Variants in ROBO2 observed in about 807,000 individuals in gnomAD.
ROBO2 encodes roundabout homolog 2.
In ROBO2, 53 loss-of-function variants were observed where a neutral mutation model predicts 160.8. That is an observed-to-expected ratio of 0.33 (90% CI 0.26 to 0.41). The LOEUF is 0.41. Among genes scored for constraint, ROBO2 ranks in the 10% least tolerant of loss-of-function variants. The pLI, the probability that ROBO2 is intolerant of heterozygous loss-of-function variation, is 1.00. For synonymous variants in ROBO2, 664 were observed against 611.7 expected (o/e 1.09, Z -1.26); for missense variants, 1,577 against 1,722.4 (o/e 0.92, Z 1.49).
chr3:77,602,819 A>G (rs1459993320), intron 20 of ROBO2: 1 of 474,982 alleles, frequency 2.1e-6, no homozygotes, highest in Admixed American at 2.4e-5. Flanking sequence ...TAGACAAAAC[A>G]TTCCTCCACT....
intron 2 of ROBO2, among the ~76,000 whole-genome samples, chr3:76,405,079 A>G (rs2078052382): frequency 6.6e-6 from 1 of 151,540 alleles, no homozygotes; most frequent in South Asian, 2.1e-4. Context: ...ATGAGTGGTA[A>G]AAAGGATGAA....
chr3:77,280,179 T>C (rs930142743), intron 2 of ROBO2, among the ~76,000 whole-genome samples: 8 of 152,140 alleles, frequency 5.3e-5, no homozygotes, highest in Non-Finnish European at 1.2e-4. Context: ...TTCTTATGCT[T>C]TCTATAAATG....
chr3:77,056,076 A>G (rs192902855), intron 1 of ROBO2, among the ~76,000 whole-genome samples: 5 of 152,336 alleles, frequency 3.3e-5, no homozygotes, highest in Non-Finnish European at 7.3e-5. Flanking sequence ...ACATTAGATC[A>G]TAGGAAGGCC....
chr3:76,438,644 T>G (rs1455769677), intron 2 of ROBO2, among the ~76,000 whole-genome samples: 1 of 152,070 alleles, frequency 6.6e-6, no homozygotes, highest in Non-Finnish European at 1.5e-5. Flanking sequence ...CACAGGCTAA[T>G]TTATACAAGT....
At chr3:76,549,826 T>A (rs12486106) in intron 2 of ROBO2, among the ~76,000 whole-genome samples, 27 of 152,346 alleles carry the variant, frequency 1.8e-4, no homozygotes, top group Non-Finnish European at 2.2e-4. Flanking sequence ...TGTCTGTTTA[T>A]CTGGAAGCTT....
chr3:76,099,169 G>A (rs1559551594), intron 2 of ROBO2, among the ~76,000 whole-genome samples: 1 of 151,994 alleles, frequency 6.6e-6, no homozygotes, highest in Admixed American at 6.6e-5. Flanking sequence ...GCAATTCCTT[G>A]GCAGCCAAGA....
intron 2 of ROBO2, among the ~76,000 whole-genome samples, chr3:76,284,140 C>T (rs2107679371): frequency 1.3e-5 from 2 of 152,044 alleles, no homozygotes; most frequent in South Asian, 4.1e-4. Flanking sequence ...GTATAGGTCT[C>T]TTTGGGTATT....
intron 2 of ROBO2, among the ~76,000 whole-genome samples, chr3:76,672,510 G>A (rs1016767269): frequency 9.2e-5 from 14 of 152,084 alleles, no homozygotes; most frequent in African/African-American, 3.4e-4. Context: ...AATATGAGAA[G>A]CCCTATAATG....
intron 2 of ROBO2, among the ~76,000 whole-genome samples, chr3:76,879,693 T>C (rs1246526667): frequency 2.0e-5 from 3 of 152,082 alleles, no homozygotes; most frequent in Non-Finnish European, 4.4e-5. Flanking sequence ...ATTAAACTGA[T>C]GATCATATGA....
At chr3:77,105,523 CT>C (rs1396904739) in intron 2 of ROBO2, among the ~76,000 whole-genome samples, 1 of 152,092 alleles carries the variant, frequency 6.6e-6, no homozygotes, top group East Asian at 1.9e-4. Flanking sequence ...GTGAGTGTGC[CT>C]TTTAATTTTG....
intron 2 of ROBO2, among the ~76,000 whole-genome samples, chr3:76,928,983 G>T (rs928743899): frequency 6.6e-6 from 1 of 152,114 alleles, no homozygotes. Context: ...ACCTGGGCCG[G>T]GTGTGGTGGC....
At chr3:75,961,962 C>T (rs1472479859) in intron 2 of ROBO2, among the ~76,000 whole-genome samples, 1 of 150,996 alleles carries the variant, frequency 6.6e-6, no homozygotes, top group Non-Finnish European at 1.5e-5. Context: ...GATGCTCTTG[C>T]TCTGACTTAT....
chr3:77,439,709 A>C (rs1287460961), intron 2 of ROBO2, among the ~76,000 whole-genome samples: 1 of 152,114 alleles, frequency 6.6e-6, no homozygotes, highest in African/African-American at 2.4e-5. Flanking sequence ...ATCAACTTTG[A>C]CAGTCCCATG....
intron 2 of ROBO2, among the ~76,000 whole-genome samples, chr3:76,554,421 T>C (rs1195465335): frequency 6.6e-6 from 1 of 152,242 alleles, no homozygotes; most frequent in African/African-American, 2.4e-5. Context: ...CATGAATGTA[T>C]GTTATGTTTG....
intron 2 of ROBO2, among the ~76,000 whole-genome samples, chr3:76,669,586 G>T (rs2110154799): frequency 6.6e-6 from 1 of 152,210 alleles, no homozygotes; most frequent in South Asian, 2.1e-4. Flanking sequence ...CTTTATAAGA[G>T]AAGCAATAAA....
At chr3:76,895,836 G>C (rs1443918546) in intron 2 of ROBO2, among the ~76,000 whole-genome samples, 2 of 151,922 alleles carry the variant, frequency 1.3e-5, no homozygotes, top group African/African-American at 4.8e-5. Context: ...TTTCATTTTG[G>C]CAGCTCTAAT....
chr3:76,709,682 T>A (rs2093248329), intron 2 of ROBO2, among the ~76,000 whole-genome samples: 1 of 152,226 alleles, frequency 6.6e-6, no homozygotes, highest in Non-Finnish European at 1.5e-5. Context: ...TCAGCAATGT[T>A]ATATGCCATA....
intron 24 of ROBO2, 114 bp from the exon 26 acceptor site, chr3:77,642,556 AT>A (rs1290531198): frequency 5.8e-5 from 21 of 359,094 alleles, no homozygotes; most frequent in Middle Eastern, 4.8e-4. Context: ...TTTTCCCCAA[AT>A]TTTTTTTGTA....
rs185713367 is a variant in ROBO2, at chr3:77,258,386, T to C, written c.388+160046T>C. ...CTGTTACTTTTTACCTAATTGTATA[T>C]TCCTCCCCAATATTTTTAAGTTTAG... On this transcript the variant is annotated intron_variant, in intron 2 of 25. Transcript: ENST00000461745. Among the ~76,000 whole-genome samples the C allele has an allele frequency of 1.2e-4, 19 of 152,292 alleles. No individual in the cohort carries two copies. In the East Asian group the frequency reaches 3.3e-3, roughly 26 times the overall value.
Sources: allele counts gnomAD v4.1 joint callset (sites outside exome capture counted in the v4.1 genomes callset), GRCh38; gene constraint gnomAD v4.1.1; transcripts MANE v1.5; gene names NCBI Gene and HGNC (gene_info 2026-07-23, HGNC 2026-07-21).